RERE: variants seen among roughly 807,000 people sequenced by gnomAD.
The protein encoded by RERE is arginine-glutamic acid dipeptide repeats protein.
In RERE, 40 loss-of-function variants were observed where a neutral mutation model predicts 146.1. That is an observed-to-expected ratio of 0.27 (90% CI 0.21 to 0.36). The LOEUF is 0.36. Among genes scored for constraint, RERE ranks in the 10% least tolerant of loss-of-function variants. The probability of loss-of-function intolerance (pLI) is 1.00; values close to 1 mark genes in which losing one functional copy is unlikely to be tolerated. For synonymous variants in RERE, 1,003 were observed against 866.0 expected, an observed-to-expected ratio of 1.16 and a Z score of -2.78; for missense variants, 1,933 against 2,138.7, an observed-to-expected ratio of 0.90 and a Z score of 1.90.
intron 6 of RERE, among the ~76,000 whole-genome samples, chr1:8,555,177 T>C (rs1055959213): frequency 2.6e-5 from 4 of 152,188 alleles, no homozygotes; most frequent in Admixed American, 1.3e-4. Flanking sequence ...CTGCTTCCTG[T>C]GGCCTGAGAG....
At chr1:8,668,358 T>C (rs1376939260) in intron 1 of RERE, among the ~76,000 whole-genome samples, 1 of 152,312 alleles carries the variant, frequency 6.6e-6, no homozygotes, top group South Asian at 2.1e-4. Context: ...GAATTACTCA[T>C]AGGTGACCTG....
chr1:8,752,052 A>G (rs886374036), intron 1 of RERE, among the ~76,000 whole-genome samples: 4 of 152,092 alleles, frequency 2.6e-5, no homozygotes, highest in Non-Finnish European at 5.9e-5. Context: ...TTTAACCTTC[A>G]TAACGGCCAT....
intron 12 of RERE, among the ~76,000 whole-genome samples, chr1:8,403,439 T>C (rs989521317): frequency 1.3e-5 from 2 of 151,350 alleles, no homozygotes; most frequent in Non-Finnish European, 2.9e-5. Flanking sequence ...TTTTCTTTTT[T>C]TTTTTTTTTC....
At chr1:8,362,139 G>A (rs1641604615) in intron 16 of RERE, among the ~76,000 whole-genome samples, 1 of 152,196 alleles carries the variant, frequency 6.6e-6, no homozygotes, top group Non-Finnish European at 1.5e-5. Flanking sequence ...GACTGTGATG[G>A]TTACATCTAT....
chr1:8,643,509 A>G (rs1046763959), intron 2 of RERE, among the ~76,000 whole-genome samples: 5 of 152,230 alleles, frequency 3.3e-5, no homozygotes, highest in African/African-American at 1.2e-4. Context: ...AATACAGGGT[A>G]AAAAGCAGAC....
At position 8,362,828 on chromosome 1, in the gene RERE, C is replaced by T; in HGVS notation, c.1757G>A (p.Ser586Asn). The stretch of plus-strand genomic sequence containing the variant: ...GCTGGCTGGCTGCTTCTTCCGACCA[C>T]TGCGTAGTGTCGACATCTGCCCACC... ...RSRGSMSTLR[S>N]GRKKQPASPD... is the part of the protein sequence containing the mutation. The change falls in exon 16 of 23, where the codon AGT becomes AAT. Residue 586 changes from serine to asparagine, a missense_variant. Physicochemically the swap from Ser to Asn is conservative, Grantham distance 46. Transcript: ENST00000400908. 1 of 1,613,214 alleles carries T rather than the reference C, an allele frequency of 6.2e-7. No individual in the cohort carries two copies. Among genetic ancestry groups the T allele is most frequent in the Non-Finnish European group, 8.5e-7 (1 of 1,179,616 alleles).
intron 1 of RERE, among the ~76,000 whole-genome samples, chr1:8,712,948 A>C (rs1310126606): frequency 6.6e-6 from 1 of 152,222 alleles, no homozygotes; most frequent in Admixed American, 6.5e-5. Flanking sequence ...GTTTGCAGTC[A>C]GCTGCTATGG....
At chr1:8,426,785 C>T (rs1391407678) in intron 11 of RERE, among the ~76,000 whole-genome samples, 1 of 152,204 alleles carries the variant, frequency 6.6e-6, no homozygotes, top group Non-Finnish European at 1.5e-5. Context: ...CTGGCCCACA[C>T]TGGGGGACCT....
chr1:8,526,144 C>T (rs1645567649), intron 7 of RERE: 1 of 880,632 alleles, frequency 1.1e-6, no homozygotes, highest in Non-Finnish European at 1.4e-6. Flanking sequence ...AAAGGGGATC[C>T]AAGACAGCCA....
At chr1:8,495,017 G>A (rs1333284673) in intron 10 of RERE, 46 bp downstream of exon 10, 11 of 1,353,284 alleles carry the variant, frequency 8.1e-6, no homozygotes, top group South Asian at 3.5e-5. Context: ...CCAGTTCAGG[G>A]GAAAAAGAAG....
chr1:8,362,160 C>T (rs922506251), intron 16 of RERE, among the ~76,000 whole-genome samples: 1 of 152,218 alleles, frequency 6.6e-6, no homozygotes, highest in Non-Finnish European at 1.5e-5. Flanking sequence ...ACTGAACGTG[C>T]ACACAATGTT....
chr1:8,659,990 C>A (rs1638417004), intron 1 of RERE, among the ~76,000 whole-genome samples: 1 of 151,920 alleles, frequency 6.6e-6, no homozygotes, highest in African/African-American at 2.4e-5. Context: ...TTTATAAAAT[C>A]AATGTTCTGA....
chr1:8,448,533 T>C (rs1011810303), intron 11 of RERE, among the ~76,000 whole-genome samples: 5 of 151,082 alleles, frequency 3.3e-5, no homozygotes, highest in Admixed American at 2.0e-4. Context: ...CCGAGGCGGG[T>C]GGATCACGAA....
intron 7 of RERE, among the ~76,000 whole-genome samples, chr1:8,530,516 A>C (rs1046375118): frequency 6.6e-6 from 1 of 151,884 alleles, no homozygotes; most frequent in Non-Finnish European, 1.5e-5. Flanking sequence ...CGGGGCGGGG[A>C]GGGGAAGCAA....
At chr1:8,791,288 T>C (rs781049287) in intron 1 of RERE, among the ~76,000 whole-genome samples, 3 of 152,228 alleles carry the variant, frequency 2.0e-5, no homozygotes, top group African/African-American at 4.8e-5. Context: ...TTAATGACTC[T>C]CTACATTGTT....
intron 7 of RERE, among the ~76,000 whole-genome samples, chr1:8,521,972 A>G (rs1645507336): frequency 6.6e-6 from 1 of 152,256 alleles, no homozygotes; most frequent in Non-Finnish European, 1.5e-5. Context: ...TTTGATAGAA[A>G]TAATCTCTAA....
intron 11 of RERE, among the ~76,000 whole-genome samples, chr1:8,438,862 G>A (rs1644206948): frequency 6.6e-6 from 1 of 151,988 alleles, no homozygotes; most frequent in African/African-American, 2.4e-5. Flanking sequence ...CTCATTACAG[G>A]CCCTAATTTT....
intron 12 of RERE, among the ~76,000 whole-genome samples, chr1:8,384,297 A>C (rs954895796): frequency 6.6e-6 from 1 of 152,078 alleles, no homozygotes; most frequent in Non-Finnish European, 1.5e-5. Context: ...CTGCTGCCCT[A>C]GTTTTTTCTT....
At chr1:8,658,208 T>A (rs1377798346) in intron 1 of RERE, among the ~76,000 whole-genome samples, 1 of 152,210 alleles carries the variant, frequency 6.6e-6, no homozygotes, top group Non-Finnish European at 1.5e-5. Flanking sequence ...TCTCACTTAT[T>A]CAACAAATCT....
Sources: gnomAD v4.1 joint callset for allele counts (sites outside exome capture counted in the v4.1 genomes callset) on GRCh38, gnomAD v4.1.1 for gene constraint, MANE v1.5 for transcripts, NCBI Gene and HGNC (gene_info 2026-07-23, HGNC 2026-07-21) for gene names.